PAX6: variants seen among roughly 807,000 people sequenced by gnomAD.
PAX6 encodes paired box 6.
Under a neutral mutation model 60.7 loss-of-function variants are expected in PAX6, and 7 were observed. That is an observed-to-expected ratio of 0.12 (90% CI 0.07 to 0.22). The LOEUF is 0.22. PAX6 is among the 10% of genes least tolerant of loss of function. The pLI is 1.00. For synonymous variants in PAX6, 208 were observed against 201.2 expected, an observed-to-expected ratio of 1.03 and a Z score of -0.29; for missense variants, 355 against 555.2, an observed-to-expected ratio of 0.64 and a Z score of 3.62.
chr11:31,800,543 TG>T, intron 8 of PAX6, 147 bp downstream of exon 8: 1 of 947,844 alleles, frequency 1.1e-6, no homozygotes, highest in Non-Finnish European at 1.7e-6. Flanking sequence ...ACATACAATG[TG>T]GTCGATGTGT....
At chr11:31,816,720 C>A in intron 1 of PAX6, 1 of 690,938 alleles carries the variant, frequency 1.4e-6, no homozygotes, top group South Asian at 1.5e-5. Flanking sequence ...CGCTCGGAGT[C>A]GGGCGGAGGT....
chr11:31,806,560 C>T (rs2135301208), intron 3 of PAX6, 98 bp from the exon 4 acceptor site: 2 of 939,778 alleles, frequency 2.1e-6, no homozygotes, highest in Non-Finnish European at 3.4e-6. Flanking sequence ...AGGAGAATCT[C>T]CGTTCTTTAG....
At chr11:31,811,490 C>T, upstream of PAX6, 1 of 322,508 alleles carries the variant, frequency 3.1e-6, no homozygotes, top group Non-Finnish European at 5.6e-6. Context: ...GCTCCTCTCC[C>T]CGGCGCAGGG....
chr11:31,806,271 G>A, intron 4 of PAX6, 131 bp downstream of exon 4: 1 of 1,042,768 alleles, frequency 9.6e-7, no homozygotes, highest in Non-Finnish European at 1.4e-6. Flanking sequence ...GGGAGCAGCC[G>A]CCGCAGGTCC....
At chr11:31,812,858 C>T (rs528903843), upstream of PAX6, 1 of 152,420 alleles carries the variant, frequency 6.6e-6, no homozygotes, top group South Asian at 2.1e-4. Context: ...AAAATCTGCG[C>T]GACCTGAACT....
intron 9 of PAX6, 170 bp from the exon 10 acceptor site, chr11:31,794,284 A>T: frequency 1.4e-6 from 1 of 689,900 alleles, no homozygotes; most frequent in Non-Finnish European, 2.6e-6. Context: ...ACCAGAACCA[A>T]GTTAAATTTT....
At position 31,794,128 on chromosome 11, in the gene PAX6, T is replaced by C. The variant is rs1418221002; in HGVS notation, c.725-14A>G. ...TTCTCTCAAACTCTGAAAGAGTAAGTTGATTTTCCATATTGTGCCAGAACT... is the reference window on the plus strand; with the variant it reads ...TTCTCTCAAACTCTGAAAGAGTAAGCTGATTTTCCATATTGTGCCAGAACT... On this transcript the variant is annotated splice_polypyrimidine_tract_variant and intron_variant, in intron 9 of 13. Transcript: ENST00000640368. 2 of 1,572,056 alleles carry C rather than the reference T, an allele frequency of 1.3e-6. No individual in the cohort carries two copies. The highest frequency in any genetic ancestry group is 1.8e-6 in the Non-Finnish European group (2 of 1,141,790).
intron 2 of PAX6, chr11:31,808,878 G>A: frequency 6.6e-6 from 1 of 152,420 alleles, no homozygotes. Context: ...ACCCCCAACT[G>A]CAGCCTCAGC....
intron 12 of PAX6, 30 bp from the exon 13 acceptor site, chr11:31,790,890 C>T (rs1373702760): frequency 6.2e-7 from 1 of 1,610,956 alleles, no homozygotes; most frequent in Admixed American, 1.7e-5. Flanking sequence ...CCTGTGGTTA[C>T]TGAGGAACAC....
At position 31,801,903 on chromosome 11, in the gene PAX6, CT is replaced by C; in HGVS notation, c.150del (p.Asp51MetfsTer17). The C allele has an allele frequency of 6.2e-7, 1 of 1,613,828 alleles. No homozygotes were observed. Among genetic ancestry groups the C allele is most frequent in the Non-Finnish European group, 8.5e-7 (1 of 1,179,740 alleles). ...TTGTCCAGCACTTGGACTTTTGCAT[CT>C]GCATGGGTCTATAACACAAAAATAT... ...CDISRILQTH[A>X]DAKVQVLDNQ... On this transcript the variant is annotated frameshift_variant, in exon 6 of 14. Coordinates refer to ENST00000640368, the MANE Select transcript of PAX6 (RefSeq NM_001368894.2). LOFTEE classifies it high-confidence loss of function.
intron 10 of PAX6, 105 bp from the exon 11 acceptor site, chr11:31,793,907 A>G (rs549173895): frequency 1.4e-6 from 2 of 1,395,276 alleles, no homozygotes; most frequent in East Asian, 4.6e-5. Flanking sequence ...CAGAGCATTT[A>G]GCAGACTGAA....
chr11:31,793,609 A>C, intron 11 of PAX6, 43 bp downstream of exon 11: 1 of 1,613,934 alleles, frequency 6.2e-7, no homozygotes, highest in Non-Finnish European at 8.5e-7. Flanking sequence ...CGGAGCAAAC[A>C]GGTTTAAAGA....
chr11:31,797,277 G>A (rs1306271527), intron 8 of PAX6, among the ~76,000 whole-genome samples: 5 of 151,946 alleles, frequency 3.3e-5, no homozygotes, highest in Non-Finnish European at 2.9e-5. Context: ...GCCCGAATCT[G>A]CCTCCGAAGA....
At chr11:31,807,132 G>C (rs1031574055) in intron 2 of PAX6, among the ~76,000 whole-genome samples, 1 of 152,260 alleles carries the variant, frequency 6.6e-6, no homozygotes, top group South Asian at 2.1e-4. Flanking sequence ...GGCTGCTCTG[G>C]TCTGGCTTGG....
chr11:31,789,956 T>C lies in PAX6; in HGVS notation c.1289A>G (p.Gln430Arg). Residue 430 changes from glutamine to arginine, a missense_variant, in exon 14 of 14, where the codon CAA (glutamine) becomes CGA (arginine). This residue lies in a region of PAX6 where 149 missense variants were observed against 191.9 expected (regional missense o/e 0.78). Coordinates refer to ENST00000640368, the MANE Select transcript of PAX6 (RefSeq NM_001368894.2). ...QVPGSEPDMS[Q>R]YWPRLQ is the part of the protein sequence containing the mutation. ...TTTTTACTGTAATCTTGGCCAGTAT[T>C]GAGACATATCAGGTTCACTTCCGGG... is the stretch of plus-strand genomic sequence containing the variant. 1 of 1,597,694 alleles carries C rather than the reference T, an allele frequency of 6.3e-7. No homozygotes were observed. Among genetic ancestry groups the C allele is most frequent in the Non-Finnish European group, 8.5e-7 (1 of 1,169,686 alleles).
At chr11:31,797,081 T>A (rs3026378) in intron 8 of PAX6, among the ~76,000 whole-genome samples, 33,708 of 151,760 alleles carry the variant, frequency 0.22, 4,126 homozygotes, top group Non-Finnish European at 0.27. Context: ...TTTGGCCAAC[T>A]AGAAAGGCCG....
upstream of PAX6, among the ~76,000 whole-genome samples, chr11:31,813,746 A>G (rs1387468258): frequency 6.6e-6 from 1 of 152,198 alleles, no homozygotes; most frequent in Non-Finnish European, 1.5e-5. Context: ...ATGTGTCAAT[A>G]TTTGGGGAGG....
chr11:31,790,470 G>T, intron 13 of PAX6: 1 of 1,375,856 alleles, frequency 7.3e-7, no homozygotes, highest in Non-Finnish European at 9.4e-7. Flanking sequence ...GCAGTCTCAG[G>T]CCTTGTCTTC....
At chr11:31,815,764 C>T (rs1466555708), upstream of PAX6, among the ~76,000 whole-genome samples, 2 of 128,160 alleles carry the variant, frequency 1.6e-5, no homozygotes, top group African/African-American at 5.9e-5. Flanking sequence ...TTTGTCAGCG[C>T]TATCTCCAAA....
Sources: allele counts gnomAD v4.1 joint callset (sites outside exome capture counted in the v4.1 genomes callset), GRCh38; gene constraint gnomAD v4.1.1; regional missense constraint gnomAD v4.1.1; transcripts MANE v1.5; gene names NCBI Gene and HGNC (gene_info 2026-07-23, HGNC 2026-07-21).